The following PACRG variants were observed in gnomAD, a reference collection of about 807,000 sequenced individuals.
PACRG encodes the protein parkin coregulated gene protein.
In PACRG, 29 loss-of-function variants were observed where a neutral mutation model predicts 29.7. That is an observed-to-expected ratio of 0.98 (90% confidence interval 0.73 to 1.33). The LOEUF is 1.33. PACRG is among the 40% of genes most tolerant of loss of function. The probability of loss-of-function intolerance (pLI) is 0.00; values close to 1 mark genes in which losing one functional copy is unlikely to be tolerated. For missense variants in PACRG, 279 were observed against 316.2 expected (o/e 0.88, Z 0.89); for synonymous variants, 116 against 118.7 (o/e 0.98, Z 0.15).
chr6:162,729,800 T>G (rs2128246459), intron 1 of PACRG, among the ~76,000 whole-genome samples: 1 of 152,226 alleles, frequency 6.6e-6, no homozygotes, highest in South Asian at 2.1e-4. Context: ...TAATATAATC[T>G]TACACCTAAA....
chr6:162,798,280 A>T (rs965308345), intron 1 of PACRG, among the ~76,000 whole-genome samples: 1 of 152,170 alleles, frequency 6.6e-6, no homozygotes, highest in Admixed American at 6.5e-5. Context: ...TCTTTGATCC[A>T]CAAATGGATG....
intron 2 of PACRG, among the ~76,000 whole-genome samples, chr6:162,968,944 G>T (rs1482009246): frequency 4.6e-5 from 7 of 150,898 alleles, no homozygotes; most frequent in Non-Finnish European, 8.8e-5. Flanking sequence ...CTACTCAGGA[G>T]GCTGAGGCAG....
chr6:163,126,756 A>G (rs1243905796), intron 4 of PACRG, among the ~76,000 whole-genome samples: 2 of 152,270 alleles, frequency 1.3e-5, no homozygotes, highest in East Asian at 3.8e-4. Flanking sequence ...GCAAAATGCC[A>G]CAGACCCAGA....
At chr6:163,099,920 C>G (rs1379402378) in intron 4 of PACRG, among the ~76,000 whole-genome samples, 2 of 152,208 alleles carry the variant, frequency 1.3e-5, no homozygotes, top group Non-Finnish European at 2.9e-5. Flanking sequence ...GATGGGAACG[C>G]TCAGCTTGCT....
intron 1 of PACRG, among the ~76,000 whole-genome samples, chr6:162,797,739 A>G (rs541989392): frequency 2.8e-4 from 42 of 152,138 alleles, no homozygotes; most frequent in Admixed American, 1.2e-3. Context: ...TCTCTTTCAC[A>G]TTATTCATTT....
At chr6:162,801,174 A>G (rs1051780574) in intron 1 of PACRG, among the ~76,000 whole-genome samples, 4 of 152,092 alleles carry the variant, frequency 2.6e-5, no homozygotes, top group Admixed American at 6.6e-5. Flanking sequence ...GCTGGGGGAT[A>G]TCTTGCCTCA....
At chr6:163,216,023 G>A (rs976569101) in intron 4 of PACRG, among the ~76,000 whole-genome samples, 6 of 152,210 alleles carry the variant, frequency 3.9e-5, no homozygotes, top group South Asian at 2.1e-4. Flanking sequence ...TCAGAAGCCC[G>A]GCTGGGAAGA....
chr6:163,209,046 A>G (rs1189084482), intron 4 of PACRG, among the ~76,000 whole-genome samples: 1 of 152,242 alleles, frequency 6.6e-6, no homozygotes, highest in East Asian at 1.9e-4. Flanking sequence ...AAAGTAATCT[A>G]TAGGCTGGCA....
intron 1 of PACRG, among the ~76,000 whole-genome samples, chr6:162,787,584 A>ATCTATC (rs1481893475): frequency 5.7e-5 from 1 of 17,496 alleles, no homozygotes; most frequent in African/African-American, 1.8e-4. Flanking sequence ...GTGTGTGTGT[A>ATCTATC]TATATATATA....
chr6:162,859,896 T>C (rs1791713691), intron 2 of PACRG, among the ~76,000 whole-genome samples: 1 of 152,226 alleles, frequency 6.6e-6, no homozygotes, highest in South Asian at 2.1e-4. Context: ...AAACTTTTGT[T>C]ACATAAATTT....
At chr6:163,265,657 A>G (rs1783506369) in intron 4 of PACRG, among the ~76,000 whole-genome samples, 1 of 152,234 alleles carries the variant, frequency 6.6e-6, no homozygotes, top group Non-Finnish European at 1.5e-5. Flanking sequence ...AATTCTTAAT[A>G]TTTCCATTCT....
intron 4 of PACRG, among the ~76,000 whole-genome samples, chr6:163,275,079 G>A (rs938605663): frequency 6.6e-6 from 1 of 151,672 alleles, no homozygotes; most frequent in Non-Finnish European, 1.5e-5. Flanking sequence ...TCACCATTTT[G>A]GTCAGGCTGG....
At chr6:162,981,731 T>C (rs542623011) in intron 2 of PACRG, among the ~76,000 whole-genome samples, 1 of 152,234 alleles carries the variant, frequency 6.6e-6, no homozygotes, top group Middle Eastern at 3.4e-3. Flanking sequence ...GTTTTGTAGT[T>C]TTCTTTTAGA....
At chr6:162,733,776 A>G (rs1186716248) in intron 1 of PACRG, among the ~76,000 whole-genome samples, 1 of 152,106 alleles carries the variant, frequency 6.6e-6, no homozygotes, top group Non-Finnish European at 1.5e-5. Flanking sequence ...TCATCTCTTG[A>G]TGCTTCAAAT....
chr6:162,895,832 C>T (rs1172611114), intron 2 of PACRG, among the ~76,000 whole-genome samples: 2 of 152,246 alleles, frequency 1.3e-5, no homozygotes, highest in Admixed American at 1.3e-4. Context: ...TGCTGGTGTT[C>T]TGGTCACCTC....
At chr6:163,021,653 C>G (rs988023419) in intron 2 of PACRG, among the ~76,000 whole-genome samples, 1 of 152,166 alleles carries the variant, frequency 6.6e-6, no homozygotes, top group African/African-American at 2.4e-5. Context: ...CTCCTGACAG[C>G]CTCCCTCCTG....
At chr6:162,839,444 G>GT (rs1382534492) in intron 2 of PACRG, among the ~76,000 whole-genome samples, 5 of 143,632 alleles carry the variant, frequency 3.5e-5, no homozygotes, top group African/African-American at 5.2e-5. Context: ...GGGGTTGTTT[G>GT]TTTTTTTCTT....
chr6:162,895,101 C>A (rs1214207609), intron 2 of PACRG, among the ~76,000 whole-genome samples: 1 of 145,504 alleles, frequency 6.9e-6, no homozygotes, highest in Admixed American at 6.9e-5. Context: ...GTCTCTACCC[C>A]CCCGCCCCCA....
chr6:162,785,203 G>T (rs201008206), intron 1 of PACRG, among the ~76,000 whole-genome samples: 1 of 127,114 alleles, frequency 7.9e-6, no homozygotes, highest in African/African-American at 3.2e-5. Context: ...AGAGAGAGAG[G>T]GAGAGAAAGG....
Sources: allele counts gnomAD v4.1 joint callset (sites outside exome capture counted in the v4.1 genomes callset), GRCh38; gene constraint gnomAD v4.1.1; transcripts MANE v1.5; gene names NCBI Gene and HGNC (gene_info 2026-07-23, HGNC 2026-07-21).